CACNA1C: variants seen among roughly 807,000 people sequenced by gnomAD.
CACNA1C encodes the protein calcium voltage-gated channel subunit alpha1 C.
CACNA1C carries 30 observed loss-of-function variants against 229.0 expected under a neutral mutation model. The ratio of observed to expected loss-of-function variants is 0.13; its 90% confidence interval spans 0.10 to 0.18. CACNA1C has a LOEUF of 0.18. Among genes scored for constraint, CACNA1C ranks in the 10% least tolerant of loss-of-function variants. CACNA1C has a pLI of 1.00. For missense variants in CACNA1C, 1,658 were observed against 2,845.0 expected, an observed-to-expected ratio of 0.58 and a Z score of 9.49; for synonymous variants, 1,114 against 1,132.5, an observed-to-expected ratio of 0.98 and a Z score of 0.33.
At chr12:2,211,714 C>CTTTT (rs5795996) in intron 3 of CACNA1C, among the ~76,000 whole-genome samples, 16 of 115,462 alleles carry the variant, frequency 1.4e-4, no homozygotes, top group South Asian at 2.8e-4. Flanking sequence ...CTTTCTGCTG[C>CTTTT]TTTTTTTTTT....
At chr12:2,326,146 C>T (rs1458392560) in intron 3 of CACNA1C, among the ~76,000 whole-genome samples, 2 of 151,924 alleles carry the variant, frequency 1.3e-5, no homozygotes, top group African/African-American at 4.8e-5. Flanking sequence ...CTAAAGGAGG[C>T]AGGGAGAGAA....
intron 3 of CACNA1C, among the ~76,000 whole-genome samples, chr12:2,447,424 G>A (rs151215981): frequency 3.6e-4 from 55 of 152,296 alleles, no homozygotes; most frequent in African/African-American, 1.3e-3. Context: ...TCATCCACAC[G>A]TGAGCTGGTG....
rs1289037148 is a variant in CACNA1C, at chr12:2,692,400, G to A, written c.*1201G>A. On this transcript the variant is annotated 3_prime_UTR_variant, in exon 47 of 47. Transcript: ENST00000399655. ...CGCGTGTGTGTGTGGTGGGTTGTCT[G>A]TGTGCATATGTCCTGCCCGTGTATA... The A allele has an allele frequency of 2.0e-5, 3 of 152,514 alleles. No individual in the cohort carries two copies. Among genetic ancestry groups the A allele is most frequent in the Non-Finnish European group, 4.4e-5 (3 of 68,040 alleles). The allele number at this position is 152,514 out of a possible 1,614,324, so 9.4% of individuals were successfully genotyped here.
At chr12:1,982,215 TTG>T (rs1425851745) in intron 1 of CACNA1C, among the ~76,000 whole-genome samples, 4 of 152,200 alleles carry the variant, frequency 2.6e-5, no homozygotes, top group African/African-American at 9.6e-5. Context: ...TCCTTTTTTA[TTG>T]TGTTAAAATA....
intron 3 of CACNA1C, among the ~76,000 whole-genome samples, chr12:2,160,452 C>A (rs1422789996): frequency 6.6e-6 from 1 of 152,218 alleles, no homozygotes; most frequent in Admixed American, 6.5e-5. Context: ...AAGGGGCCAC[C>A]ACAGAGGGCC....
chr12:2,676,010 A>C (rs751555588), intron 39 of CACNA1C: 3 of 152,202 alleles, frequency 2.0e-5, no homozygotes, highest in South Asian at 2.1e-4. Flanking sequence ...TGATGTTTAC[A>C]TACATCGTTT....
intron 13 of CACNA1C, among the ~76,000 whole-genome samples, 157 bp from the exon 14 acceptor site, chr12:2,581,433 A>G (rs1192311733): frequency 2.0e-5 from 3 of 152,100 alleles, no homozygotes; most frequent in African/African-American, 7.2e-5. Flanking sequence ...CAGGGTGGCA[A>G]CTCACACCAC....
Position 2,639,988 on chromosome 12 carries a change from C to T in CACNA1C, c.3912+5608C>T, listed in dbSNP as rs545684849. ...AGGAGGAATTGCTGGAGGCTTTGCACGATGCACAGGAGTGTCCAGAGCAGG... is the reference window on the plus strand; with the variant it reads ...AGGAGGAATTGCTGGAGGCTTTGCATGATGCACAGGAGTGTCCAGAGCAGG... On this transcript the variant is annotated intron_variant, in intron 30 of 46. Coordinates refer to ENST00000399655, the MANE Select transcript of CACNA1C (RefSeq NM_000719.7). This position sits in a 1 kb window ranked among gnomAD's most constrained non-coding sequence, Gnocchi z 4.2. Among the ~76,000 whole-genome samples the T allele has an allele frequency of 6.2e-4, 94 of 152,238 alleles. No individual in the cohort carries two copies. Among genetic ancestry groups the T allele is most frequent in the African/African-American group, 2.2e-3 (90 of 41,530 alleles).
chr12:2,524,330 C>T (rs771902863), intron 9 of CACNA1C, among the ~76,000 whole-genome samples: 1 of 152,208 alleles, frequency 6.6e-6, no homozygotes, highest in Non-Finnish European at 1.5e-5. Flanking sequence ...AGGGGAATTA[C>T]AGCCTAGTTC....
chr12:2,296,874 T>C (rs976042127), intron 3 of CACNA1C, among the ~76,000 whole-genome samples: 15 of 152,238 alleles, frequency 9.9e-5, no homozygotes, highest in Non-Finnish European at 2.1e-4. Flanking sequence ...TTCCACAGTT[T>C]CCAGGGGAAG....
At position 2,054,084 on chromosome 12, in the gene CACNA1C, C is replaced by T. The variant is rs2053520123; in HGVS notation, c.49+473C>T. On this transcript the variant is annotated intron_variant, in intron 1 of 46. Transcript: ENST00000399655. The surrounding 1 kb of genome is among the most constrained non-coding windows in gnomAD (Gnocchi z 5.5). ...CGCCGGCAGAGCCCGGCGCCCACGG[C>T]CGCCCCTGGGGCGCCCTCGCGCTGC... Among the ~76,000 whole-genome samples, 1 of 148,772 alleles carries T rather than the reference C, an allele frequency of 6.7e-6. No homozygotes were observed. The highest frequency in any genetic ancestry group is 1.5e-5 in the Non-Finnish European group (1 of 66,964).
chr12:2,590,778 C>T (rs1175091987), intron 18 of CACNA1C, among the ~76,000 whole-genome samples: 1 of 152,118 alleles, frequency 6.6e-6, no homozygotes, highest in Non-Finnish European at 1.5e-5. Flanking sequence ...TCTGTAAACA[C>T]AAATGATTAA....
chr12:2,572,362 C>T (rs1490499699), intron 13 of CACNA1C, among the ~76,000 whole-genome samples: 3 of 37,328 alleles, frequency 8.0e-5, no homozygotes, highest in South Asian at 1.4e-3. Context: ...TCCTCTCCTC[C>T]TCCTTCTCCT....
intron 1 of CACNA1C, chr12:2,020,657 C>G (rs2046281880): frequency 6.6e-6 from 1 of 152,138 alleles, no homozygotes; most frequent in Non-Finnish European, 1.5e-5. Context: ...GAAGGGAAGA[C>G]AGAAGGGCTG....
chr12:2,017,850 A>G (rs2045658330), intron 1 of CACNA1C, among the ~76,000 whole-genome samples: 1 of 152,204 alleles, frequency 6.6e-6, no homozygotes, highest in African/African-American at 2.4e-5. Context: ...AGAGGCAAGA[A>G]GAGCCCAGCG....
intron 10 of CACNA1C, chr12:2,550,462 G>T: frequency 8.6e-7 from 1 of 1,169,292 alleles, no homozygotes; most frequent in Non-Finnish European, 1.1e-6. Flanking sequence ...ATGTGACCTG[G>T]GAGAGAAGCA....
rs12580470 is a variant in CACNA1C, at chr12:2,369,523, C to T, written c.478-79453C>T. ...AAGCGATTCTCCTACCTCAGCCTTCCGAGTTGCTGGGATTACAGGCACATG... is the reference window on the plus strand; with the variant it reads ...AAGCGATTCTCCTACCTCAGCCTTCTGAGTTGCTGGGATTACAGGCACATG... On this transcript the variant is annotated intron_variant, in intron 3 of 46. Transcript: ENST00000399655. 3.3e-5 allele frequency among the ~76,000 whole-genome samples: 5 copies of T among 151,878 alleles called. No homozygotes were observed. In the South Asian group the frequency reaches 6.2e-4, roughly 19 times the overall value.
chr12:1,988,888 C>T (rs1331493297), intron 1 of CACNA1C, among the ~76,000 whole-genome samples: 1 of 152,172 alleles, frequency 6.6e-6, no homozygotes, highest in Non-Finnish European at 1.5e-5. Flanking sequence ...TACAAAACTA[C>T]CCAAAATGGT....
intron 11 of CACNA1C, 150 bp downstream of exon 11, chr12:2,557,127 A>G (rs2044793734): frequency 3.1e-6 from 2 of 645,106 alleles, no homozygotes; most frequent in African/African-American, 1.8e-5. Flanking sequence ...ATGGCCATCA[A>G]GAAAAAGCTT....
Sources: allele counts gnomAD v4.1 joint callset (sites outside exome capture counted in the v4.1 genomes callset), GRCh38; gene constraint gnomAD v4.1.1; non-coding constraint Gnocchi (gnomAD v3.1); transcripts MANE v1.5; gene names NCBI Gene and HGNC (gene_info 2026-07-23, HGNC 2026-07-21).